Variants in TNS3 observed in about 807,000 individuals in gnomAD.
TNS3 encodes tensin 3, also known as tensin-3.
A neutral mutation model predicts 140.9 loss-of-function variants in TNS3; 45 were observed. The observed-to-expected ratio is 0.32, with a 90% CI of 0.25 to 0.41. TNS3 has a LOEUF of 0.41. TNS3 is among the 10% of genes least tolerant of loss of function. TNS3 has a pLI of 1.00. For missense variants in TNS3, 1,716 were observed against 1,906.7 expected, an observed-to-expected ratio of 0.90 and a Z score of 1.86; for synonymous variants, 815 against 788.4, an observed-to-expected ratio of 1.03 and a Z score of -0.56.
At chr7:47,522,650 C>T (rs189679753) in intron 2 of TNS3, among the ~76,000 whole-genome samples, 3 of 152,310 alleles carry the variant, frequency 2.0e-5, no homozygotes, top group South Asian at 2.1e-4. Context: ...GTTTCTAGGC[C>T]GGGCACGGTG....
chr7:47,550,283 C>T (rs1800028081), intron 1 of TNS3, among the ~76,000 whole-genome samples: 1 of 152,140 alleles, frequency 6.6e-6, no homozygotes, highest in African/African-American at 2.4e-5. Context: ...GAAACACGGC[C>T]CCATGGTTCC....
chr7:47,390,133 GGCACTGTGTATACCCAA>G lies in TNS3; in HGVS notation c.1024+6650_1024+6666del, dbSNP rs1792426743. 3.3e-5 allele frequency among the ~76,000 whole-genome samples: 5 copies of G among 152,230 alleles called. No homozygotes were observed. In the South Asian group the frequency reaches 1.0e-3, roughly 31 times the overall value. On this transcript the variant is annotated intron_variant, in intron 16 of 30. Transcript: ENST00000311160. ...ACAAGGACCGAGGCTGCAGACACAA[GGCACTGTGTATACCCAA>G]GCACTCAGCAAAAAGCAGAGCCAAG... is the stretch of plus-strand genomic sequence containing the variant.
rs576614142 is a variant in TNS3 at position 47,469,748 on chromosome 7, C to T, written c.-76+11355G>A. Among the ~76,000 whole-genome samples, 2 of 152,022 alleles carry T rather than the reference C, an allele frequency of 1.3e-5. 1 individual carries two copies. The highest frequency in any genetic ancestry group is 4.1e-4 in the South Asian group (2 of 4,822). On this transcript the variant is annotated intron_variant, in intron 4 of 30. Coordinates refer to ENST00000311160, the MANE Select transcript of TNS3 (RefSeq NM_022748.12). ...CAGCACTCTGAAAGGCCAGGGCGGG[C>T]GGATCACCTGAGGTCAGGAGTTCGA...
chr7:47,278,314 T>G, intron 30 of TNS3, 94 bp from the exon 31 acceptor site: 2 of 1,434,528 alleles, frequency 1.4e-6, no homozygotes, highest in African/African-American at 2.8e-5. Flanking sequence ...CAGGAGGAAT[T>G]TTAAGTGGCA....
chr7:47,418,449 T>A (rs142436511), intron 10 of TNS3, among the ~76,000 whole-genome samples: 2,016 of 152,312 alleles, frequency 0.013, 34 homozygotes, highest in African/African-American at 0.045. Context: ...ATGAATCAAT[T>A]GTAGGGTATC....
intron 3 of TNS3, 72 bp from the exon 4 acceptor site, chr7:47,481,213 G>C: frequency 4.2e-6 from 5 of 1,187,054 alleles, no homozygotes; most frequent in Admixed American, 2.3e-5. Flanking sequence ...ATCAAGCCAG[G>C]CTCCCAAAGA....
At chr7:47,515,819 G>A (rs1045252829) in intron 2 of TNS3, among the ~76,000 whole-genome samples, 5 of 152,056 alleles carry the variant, frequency 3.3e-5, no homozygotes, top group Admixed American at 6.6e-5. Flanking sequence ...TATCACCATC[G>A]TCATTACTGA....
chr7:47,528,240 G>A (rs900822829), intron 2 of TNS3, among the ~76,000 whole-genome samples: 10 of 152,236 alleles, frequency 6.6e-5, no homozygotes, highest in African/African-American at 2.4e-4. Flanking sequence ...TGCGTGCATC[G>A]TTCCATCACA....
chr7:47,414,146 G>C (rs1042730514), intron 11 of TNS3, 149 bp from the exon 12 acceptor site: 10 of 770,028 alleles, frequency 1.3e-5, no homozygotes, highest in East Asian at 2.6e-5. Flanking sequence ...GGAGCCACAG[G>C]GTTGCTGCAG....
rs1800614592 is a variant in TNS3, at chr7:47,573,899, T to C, written c.-265+8152A>G. Among the ~76,000 whole-genome samples, 2 of 152,230 alleles carry C rather than the reference T, an allele frequency of 1.3e-5. 1 individual carries two copies. Among genetic ancestry groups the C allele is most frequent in the South Asian group, 4.1e-4 (2 of 4,832 alleles). On this transcript the variant is annotated intron_variant, in intron 1 of 30. Transcript: ENST00000311160. ...TGCTGTTGACATTCCTGATTTGGAA[T>C]TGTGAACACATTCTTAGAGGGTAAA...
intron 20 of TNS3, among the ~76,000 whole-genome samples, chr7:47,311,584 T>C (rs1787106648): frequency 6.6e-6 from 1 of 152,046 alleles, no homozygotes; most frequent in African/African-American, 2.4e-5. Flanking sequence ...GTGAGTGAAC[T>C]GGGAGAAAAA....
At chr7:47,357,593 A>G (rs1238614302) in intron 17 of TNS3, among the ~76,000 whole-genome samples, 1 of 152,168 alleles carries the variant, frequency 6.6e-6, no homozygotes, top group Non-Finnish European at 1.5e-5. Flanking sequence ...TTTACAGCGT[A>G]ATGTGTTAGG....
chr7:47,322,539 A>AAC (rs71003393), intron 20 of TNS3, among the ~76,000 whole-genome samples: 23,175 of 151,008 alleles, frequency 0.15, 2,133 homozygotes, highest in Admixed American at 0.24. Flanking sequence ...CAAACAAACA[A>AAC]ACACACACAC....
rs777497174 is a variant in TNS3, at chr7:47,344,909, T to C, written c.2566+15A>G. 2.9e-5 allele frequency: 46 copies of C among 1,613,590 alleles called. 2 individuals carry two copies. The South Asian group carries it at 4.8e-4, about 17-fold the overall frequency. ...CATGGAGCAGCACATGCAGCTAGTG[T>C]TACTTCATTCTTACCATACGGTGTC... On this transcript the variant is annotated intron_variant, in intron 19 of 30. Coordinates refer to ENST00000311160, the MANE Select transcript of TNS3 (RefSeq NM_022748.12).
At chr7:47,296,575 A>G (rs1786038994) in intron 24 of TNS3, among the ~76,000 whole-genome samples, 1 of 152,246 alleles carries the variant, frequency 6.6e-6, no homozygotes, top group Non-Finnish European at 1.5e-5. Flanking sequence ...TACCTGCATT[A>G]GAGATCATCT....
chr7:47,340,338 G>T (rs1468950818), intron 20 of TNS3, among the ~76,000 whole-genome samples: 1 of 150,526 alleles, frequency 6.6e-6, no homozygotes, highest in Non-Finnish European at 1.5e-5. Context: ...GGCCAGGATG[G>T]TCTCGATCTC....
intron 10 of TNS3, among the ~76,000 whole-genome samples, chr7:47,421,608 G>A (rs1006590126): frequency 6.6e-6 from 1 of 152,110 alleles, no homozygotes; most frequent in African/African-American, 2.4e-5. Context: ...AAAGAGGAAG[G>A]CTTCCAAGTT....
chr7:47,501,007 G>A (rs1358266806), intron 3 of TNS3, among the ~76,000 whole-genome samples: 2 of 152,172 alleles, frequency 1.3e-5, no homozygotes, highest in East Asian at 1.9e-4. Flanking sequence ...AGAATCCCTT[G>A]AACCCAAGAG....
rs1486728381 is a variant in TNS3 at position 47,407,907 on chromosome 7, T to C, written c.723+3820A>G. Among the ~76,000 whole-genome samples the C allele has an allele frequency of 6.6e-6, 1 of 152,062 alleles. No individual in the cohort carries two copies. The highest frequency in any genetic ancestry group is 2.4e-5 in the African/African-American group (1 of 41,414). ...ACTGTGGGAGAATCACCTCTGTTGT[T>C]TAAGCTGAGACCAAAGGGTGAAGCC... is the stretch of plus-strand genomic sequence containing the variant. On this transcript the variant is annotated intron_variant, in intron 13 of 30. Transcript: ENST00000311160. This position sits in a 1 kb window ranked among gnomAD's most constrained non-coding sequence, Gnocchi z 4.1.
Sources: allele counts gnomAD v4.1 joint callset (sites outside exome capture counted in the v4.1 genomes callset), GRCh38; gene constraint gnomAD v4.1.1; non-coding constraint Gnocchi (gnomAD v3.1); transcripts MANE v1.5; gene names NCBI Gene and HGNC (gene_info 2026-07-23, HGNC 2026-07-21).